CDH22: variants seen among roughly 807,000 people sequenced by gnomAD.
CDH22 encodes the protein cadherin 22, also known as cadherin-22.
A neutral mutation model predicts 58.4 loss-of-function variants in CDH22; 30 were observed. That is an observed-to-expected ratio of 0.51 (90% CI 0.38 to 0.70). CDH22 has a LOEUF of 0.70. Among genes scored for constraint, CDH22 ranks in the 30% least tolerant of loss-of-function variants. The pLI, the probability that CDH22 is intolerant of heterozygous loss-of-function variation, is 0.00. For missense variants in CDH22, 1,014 were observed against 1,233.9 expected, an observed-to-expected ratio of 0.82 and a Z score of 2.67; for synonymous variants, 513 against 558.2, an observed-to-expected ratio of 0.92 and a Z score of 1.14.
chr20:46,284,508 C>T (rs547551701), intron 1 of CDH22, among the ~76,000 whole-genome samples: 6 of 152,274 alleles, frequency 3.9e-5, no homozygotes, highest in Non-Finnish European at 8.8e-5. Flanking sequence ...GCTGCTTTCT[C>T]TCCATTTCAC....
intron 3 of CDH22, among the ~76,000 whole-genome samples, chr20:46,229,691 G>A (rs554051063): frequency 6.6e-6 from 1 of 152,300 alleles, no homozygotes; most frequent in East Asian, 1.9e-4. Flanking sequence ...AACTCAAGAG[G>A]CACAGCACAC....
intron 2 of CDH22, among the ~76,000 whole-genome samples, chr20:46,250,030 A>C (rs1430653303): frequency 1.3e-5 from 2 of 152,074 alleles, no homozygotes; most frequent in African/African-American, 4.8e-5. Flanking sequence ...GGGATCCCCA[A>C]AGTGGCAGAG....
chr20:46,269,370 A>G (rs2425826), intron 1 of CDH22, among the ~76,000 whole-genome samples: 60,669 of 151,762 alleles, frequency 0.4, 12,572 homozygotes, highest in Middle Eastern at 0.6. Flanking sequence ...CACAGGGTGA[A>G]TTGACAGTGT....
At chr20:46,175,135 G>T in intron 11 of CDH22, 58 bp from the exon 12 acceptor site, 1 of 1,527,802 alleles carries the variant, frequency 6.5e-7, no homozygotes. Flanking sequence ...GCATTAGAAG[G>T]ACCCTCTACC....
intron 2 of CDH22, among the ~76,000 whole-genome samples, chr20:46,244,382 T>C (rs6074078): frequency 0.28 from 42,894 of 151,974 alleles, 6,295 homozygotes; most frequent in African/African-American, 0.38. Flanking sequence ...CCAGCTGGGG[T>C]TGCCTGCCCT....
At chr20:46,270,850 C>A (rs530456514) in intron 1 of CDH22, among the ~76,000 whole-genome samples, 1 of 152,306 alleles carries the variant, frequency 6.6e-6, no homozygotes, top group African/African-American at 2.4e-5. Flanking sequence ...GGCAGTGGAA[C>A]CTGGGCTGGA....
intron 4 of CDH22, among the ~76,000 whole-genome samples, chr20:46,222,643 G>A (rs1236370434): frequency 1.3e-5 from 2 of 152,202 alleles, no homozygotes; most frequent in Non-Finnish European, 1.5e-5. Context: ...ATCGTCCCCA[G>A]TTCCAGCTGT....
At position 46,210,801 on chromosome 20, in the gene CDH22, G is replaced by A. The variant is rs2086037906; in HGVS notation, c.1033-241C>T. The stretch of plus-strand genomic sequence containing the variant: ...GGACACAGCCACTCCAGGCTAACGC[G>A]CTGAGCACCCAAACTTCCTGCTTCC... On this transcript the variant is annotated intron_variant, in intron 6 of 11. Transcript: ENST00000537909. This position sits in a 1 kb window ranked among gnomAD's most constrained non-coding sequence, Gnocchi z 4.5. 6.6e-6 allele frequency among the ~76,000 whole-genome samples: 1 copy of A among 152,210 alleles called. No individual in the cohort carries two copies. The highest frequency in any genetic ancestry group is 6.5e-5 in the Admixed American group (1 of 15,284).
At chr20:46,221,562 T>C (rs1448885149) in intron 4 of CDH22, among the ~76,000 whole-genome samples, 1 of 152,204 alleles carries the variant, frequency 6.6e-6, no homozygotes, top group African/African-American at 2.4e-5. Flanking sequence ...GCAAGGTCTC[T>C]TAAGGCCTAA....
chr20:46,174,537 T>C lies in CDH22; in HGVS notation c.2456A>G (p.His819Arg). ...GGCCTGGGCCTCGTCGTCCCCGCGGTGGCCGGCGTAGAGCGCGGCCAGGGG... is the reference window on the plus strand; with the variant it reads ...GGCCTGGGCCTCGTCGTCCCCGCGGCGGCCGGCGTAGAGCGCGGCCAGGGG... ...FRPLAALYAGHRGDDEAQAS is the reference protein window; with the variant it reads ...FRPLAALYAGRRGDDEAQAS Residue 819 changes from histidine to arginine, a missense_variant, in exon 12 of 12, where the codon CAC becomes CGC. Coordinates refer to ENST00000537909, the MANE Select transcript of CDH22 (RefSeq NM_021248.3). This position sits in a 1 kb window ranked among gnomAD's most constrained non-coding sequence, Gnocchi z 4.4. The C allele has an allele frequency of 6.6e-7, 1 of 1,519,764 alleles. No individual in the cohort carries two copies. Among genetic ancestry groups the C allele is most frequent in the Non-Finnish European group, 8.8e-7 (1 of 1,140,100 alleles). The allele number at this position is 1,519,764 out of a possible 1,614,324, so 94.1% of individuals were successfully genotyped here.
At chr20:46,230,892 G>T (rs570572337) in intron 3 of CDH22, among the ~76,000 whole-genome samples, 16 of 152,302 alleles carry the variant, frequency 1.1e-4, no homozygotes, top group Admixed American at 1.0e-3. Context: ...GCAGGAGAGA[G>T]GCAGGTTTCA....
intron 1 of CDH22, among the ~76,000 whole-genome samples, chr20:46,254,633 G>A (rs1168122099): frequency 6.6e-6 from 1 of 151,854 alleles, no homozygotes; most frequent in Non-Finnish European, 1.5e-5. Flanking sequence ...GATAATAGAG[G>A]AATTAATCTA....
chr20:46,174,786 C>T lies in CDH22; in HGVS notation c.2207G>A (p.Gly736Glu), dbSNP rs1267167601. The T allele has an allele frequency of 1.3e-6, 2 of 1,508,200 alleles. No individual in the cohort carries two copies. The highest frequency in any genetic ancestry group is 2.5e-5 in the South Asian group (2 of 80,882). The allele number at this position is 1,508,200 out of a possible 1,614,324, so 93.4% of individuals were successfully genotyped here. A position where few individuals can be genotyped will look rare whatever the true frequency, so the allele number is the denominator to read the frequency against. Residue 736 changes from glycine (G) to glutamate (E), a missense_variant, in exon 12 of 12, where the codon GGG becomes GAG. By Grantham distance (98) the Gly-to-Glu change is moderately conservative. This residue lies in a region of CDH22 where 208 missense variants were observed against 195.2 expected (regional missense o/e 1.07). Coordinates refer to ENST00000537909, the MANE Select transcript of CDH22 (RefSeq NM_021248.3). This position sits in a 1 kb window ranked among gnomAD's most constrained non-coding sequence, Gnocchi z 4.4. ...GAAGTCTGGCTCGGGGCTCGGCGGC[C>T]CCTGCGGCAGCGAGTGGCGCTCGGA... ...LPSERHSLPQ[G>E]PPSPEPDFSV... is the part of the protein sequence containing the mutation.
intron 1 of CDH22, among the ~76,000 whole-genome samples, chr20:46,257,987 A>C (rs1427484231): frequency 6.6e-6 from 1 of 152,178 alleles, no homozygotes; most frequent in Non-Finnish European, 1.5e-5. Context: ...GCTGCCATTG[A>C]GGGGTAAGTG....
intron 8 of CDH22, among the ~76,000 whole-genome samples, chr20:46,193,069 G>A (rs1239793512): frequency 6.6e-6 from 1 of 152,094 alleles, no homozygotes; most frequent in East Asian, 1.9e-4. Flanking sequence ...AGGACTTCTG[G>A]GTGAAGCAGG....
intron 7 of CDH22, among the ~76,000 whole-genome samples, chr20:46,207,313 G>T (rs1047990233): frequency 1.3e-5 from 2 of 152,186 alleles, no homozygotes; most frequent in Admixed American, 6.5e-5. Flanking sequence ...AGGGGGTGTG[G>T]AGAGTGGAAT....
chr20:46,305,941 G>A (rs1236964154), intron 1 of CDH22, among the ~76,000 whole-genome samples: 2 of 152,228 alleles, frequency 1.3e-5, no homozygotes, highest in Non-Finnish European at 2.9e-5. Flanking sequence ...CCAACCTCTA[G>A]GTATGATTAT....
At chr20:46,180,715 C>T (rs2085777981) in intron 10 of CDH22, among the ~76,000 whole-genome samples, 1 of 152,166 alleles carries the variant, frequency 6.6e-6, no homozygotes, top group Admixed American at 6.5e-5. Context: ...AGCATTCTTC[C>T]TTCCTTCCAA....
At chr20:46,190,117 C>T (rs1228644134) in intron 8 of CDH22, among the ~76,000 whole-genome samples, 1 of 152,146 alleles carries the variant, frequency 6.6e-6, no homozygotes, top group East Asian at 1.9e-4. Context: ...TCGTATTTTG[C>T]CACCTTAAAT....
Sources: allele counts gnomAD v4.1 joint callset (sites outside exome capture counted in the v4.1 genomes callset), GRCh38; gene constraint gnomAD v4.1.1; regional missense constraint gnomAD v4.1.1; non-coding constraint Gnocchi (gnomAD v3.1); transcripts MANE v1.5; gene names NCBI Gene and HGNC (gene_info 2026-07-23, HGNC 2026-07-21).